PPFIA2: variants seen among roughly 807,000 people sequenced by gnomAD.
The protein encoded by PPFIA2 is PPFI scaffold protein A2, also known as liprin-alpha-2.
A neutral mutation model predicts 175.5 loss-of-function variants in PPFIA2; 46 were observed. That is an observed-to-expected ratio of 0.26 (90% CI 0.21 to 0.34). The LOEUF (loss-of-function observed/expected upper bound fraction) is 0.34. PPFIA2 is among the 10% of genes least tolerant of loss of function. The pLI, the probability that PPFIA2 is intolerant of heterozygous loss-of-function variation, is 1.00. For synonymous variants in PPFIA2, 568 were observed against 511.4 expected, an observed-to-expected ratio of 1.11 and a Z score of -1.49; for missense variants, 1,179 against 1,506.1, an observed-to-expected ratio of 0.78 and a Z score of 3.60.
At position 81,284,311 on chromosome 12, in the gene PPFIA2, G is replaced by A; in HGVS notation, c.2926-8C>T. 6.4e-7 allele frequency: 1 copy of A among 1,573,748 alleles called. No individual in the cohort carries two copies. Among genetic ancestry groups the A allele is most frequent in the Non-Finnish European group, 8.7e-7 (1 of 1,148,004 alleles). ...CCAAACGTTGCCTGAAGGCTAGTGA[G>A]GAGGCCCAGAGGGAAGCAGAGGAAT... On this transcript the variant is annotated splice_polypyrimidine_tract_variant and splice_region_variant and intron_variant, in intron 24 of 32. Transcript: ENST00000549396.
At chr12:81,384,920 T>G (rs544239394) in intron 8 of PPFIA2, among the ~76,000 whole-genome samples, 1 of 152,266 alleles carries the variant, frequency 6.6e-6, no homozygotes, top group African/African-American at 2.4e-5. Context: ...AAGGACTGCT[T>G]AGAAACCAGG....
chr12:81,620,702 A>G (rs2061958099), intron 4 of PPFIA2, among the ~76,000 whole-genome samples: 1 of 152,222 alleles, frequency 6.6e-6, no homozygotes, highest in Admixed American at 6.5e-5. Context: ...CAAACATTAA[A>G]GAGGCTCAGC....
At chr12:81,670,465 C>T (rs563146590) in intron 4 of PPFIA2, among the ~76,000 whole-genome samples, 24 of 151,922 alleles carry the variant, frequency 1.6e-4, no homozygotes, top group African/African-American at 5.5e-4. Context: ...TTTACTAGTA[C>T]CTGGAAATAT....
rs11837961 is a variant in PPFIA2, at chr12:81,694,361, T to G, written c.250-17517A>C. On this transcript the variant is annotated intron_variant, in intron 3 of 32. Transcript: ENST00000549396. Reference sequence around the variant, plus strand: ...CAGACCTGGGGCCACCACTGTCCTGTGCAGCCTTCTTGGCATCCTGGTTGC... The same window carrying G: ...CAGACCTGGGGCCACCACTGTCCTGGGCAGCCTTCTTGGCATCCTGGTTGC... Among the ~76,000 whole-genome samples, 1,032 of 152,292 alleles carry G rather than the reference T, an allele frequency of 6.8e-3. 5 individuals are homozygous for G. The highest frequency in any genetic ancestry group is 0.023 in the African/African-American group (958 of 41,584).
intron 8 of PPFIA2, among the ~76,000 whole-genome samples, chr12:81,388,485 G>A (rs2039443901): frequency 6.6e-6 from 1 of 152,000 alleles, no homozygotes; most frequent in African/African-American, 2.4e-5. Flanking sequence ...TTGTTGCCTG[G>A]GCTGGGAGTT....
intron 4 of PPFIA2, among the ~76,000 whole-genome samples, chr12:81,509,551 T>A (rs2061547539): frequency 6.6e-6 from 1 of 152,042 alleles, no homozygotes; most frequent in Non-Finnish European, 1.5e-5. Flanking sequence ...TTTTCTTGCT[T>A]CAGGAAAATA....
At chr12:81,398,735 T>A (rs949300774) in intron 8 of PPFIA2, among the ~76,000 whole-genome samples, 1 of 152,140 alleles carries the variant, frequency 6.6e-6, no homozygotes, top group African/African-American at 2.4e-5. Context: ...GCACCAGCAT[T>A]CCTTAATTCC....
chr12:81,559,627 G>T (rs7297305), intron 4 of PPFIA2, among the ~76,000 whole-genome samples: 17,258 of 152,044 alleles, frequency 0.11, 1,047 homozygotes, highest in Middle Eastern at 0.17. Context: ...ATAAACTTAA[G>T]AATGGGTTCA....
At chr12:81,433,609 A>G (rs1004537323) in intron 7 of PPFIA2, among the ~76,000 whole-genome samples, 1 of 152,214 alleles carries the variant, frequency 6.6e-6, no homozygotes, top group African/African-American at 2.4e-5. Context: ...TTCATTTGAT[A>G]CATATGATCA....
rs146087288 is a variant in PPFIA2, at chr12:81,278,283, C to T, written c.3213-869G>A. The stretch of plus-strand genomic sequence containing the variant: ...TTTGGCCAGGCATGGTGGCTCACGC[C>T]TGTAATCACAGCACTTTGGGAGGCT... On this transcript the variant is annotated intron_variant, in intron 27 of 32. Coordinates refer to ENST00000549396, the MANE Select transcript of PPFIA2 (RefSeq NM_003625.5). Among the ~76,000 whole-genome samples the T allele has an allele frequency of 1.5e-3, 223 of 152,226 alleles. 4 individuals are homozygous for T. In the East Asian group the frequency reaches 0.027, roughly 19 times the overall value.
intron 21 of PPFIA2, among the ~76,000 whole-genome samples, chr12:81,329,578 C>T (rs2055661820): frequency 6.6e-6 from 1 of 152,252 alleles, no homozygotes; most frequent in African/African-American, 2.4e-5. Context: ...ACCATTCTTG[C>T]CAGTGGGAGC....
intron 4 of PPFIA2, among the ~76,000 whole-genome samples, chr12:81,628,467 C>A (rs896530745): frequency 1.3e-5 from 2 of 149,438 alleles, no homozygotes; most frequent in South Asian, 2.1e-4. Flanking sequence ...ACCTCCAACT[C>A]CCAGGTTTAA....
intron 4 of PPFIA2, among the ~76,000 whole-genome samples, chr12:81,464,080 G>T (rs1402064502): frequency 6.6e-6 from 1 of 151,772 alleles, no homozygotes; most frequent in Non-Finnish European, 1.5e-5. Flanking sequence ...TTAAAAACAG[G>T]GTCTCACCTG....
At position 81,598,570 on chromosome 12, in the gene PPFIA2, C is replaced by A. The variant is rs536166623; in HGVS notation, c.303+78221G>T. On this transcript the variant is annotated intron_variant, in intron 4 of 32. Coordinates refer to ENST00000549396, the MANE Select transcript of PPFIA2 (RefSeq NM_003625.5). ...AATTGCTGTTTTATCACTCTTATTT[C>A]TGTATCTTTCTAAATCTTTTAGTCA... Among the ~76,000 whole-genome samples the A allele has an allele frequency of 3.3e-5, 5 of 151,938 alleles. No individual in the cohort carries two copies. In the South Asian group the frequency reaches 1.0e-3, roughly 32 times the overall value.
intron 11 of PPFIA2, 99 bp downstream of exon 11, chr12:81,374,535 A>G (rs2089849840): frequency 7.2e-6 from 10 of 1,382,222 alleles, no homozygotes; most frequent in Non-Finnish European, 9.6e-6. Flanking sequence ...ATTAAACTTA[A>G]TTTTCATAAA....
intron 4 of PPFIA2, among the ~76,000 whole-genome samples, chr12:81,566,033 C>G (rs772097373): frequency 9.2e-5 from 14 of 152,118 alleles, no homozygotes; most frequent in Non-Finnish European, 1.5e-4. Flanking sequence ...AAAGTTAGTT[C>G]ATAAGGCAAA....
intron 16 of PPFIA2, among the ~76,000 whole-genome samples, chr12:81,357,681 C>T (rs1258125688): frequency 6.6e-6 from 1 of 152,224 alleles, no homozygotes; most frequent in East Asian, 1.9e-4. Flanking sequence ...AATCAAAAGA[C>T]TACATGTTTG....
At chr12:81,481,912 G>A (rs1478080717) in intron 4 of PPFIA2, among the ~76,000 whole-genome samples, 1 of 152,158 alleles carries the variant, frequency 6.6e-6, no homozygotes, top group South Asian at 2.1e-4. Flanking sequence ...AAACTAAAGA[G>A]CTTCTGCACA....
chr12:81,729,002 C>T (rs2080466295), intron 3 of PPFIA2, among the ~76,000 whole-genome samples: 1 of 151,384 alleles, frequency 6.6e-6, no homozygotes, highest in Non-Finnish European at 1.5e-5. Flanking sequence ...AAAGAACGTA[C>T]AATTATGGGC....
Sources: allele counts gnomAD v4.1 joint callset (sites outside exome capture counted in the v4.1 genomes callset), GRCh38; gene constraint gnomAD v4.1.1; transcripts MANE v1.5; gene names NCBI Gene and HGNC (gene_info 2026-07-23, HGNC 2026-07-21).